The following UPRT variants were observed in gnomAD, a reference collection of about 807,000 sequenced individuals.
UPRT encodes the protein uracil phosphoribosyltransferase homolog.
In UPRT, 5 loss-of-function variants were observed where a neutral mutation model predicts 22.6. The ratio of observed to expected loss-of-function variants is 0.22; its 90% CI spans 0.12 to 0.47. The LOEUF (loss-of-function observed/expected upper bound fraction) is 0.47, where lower values mean the gene tolerates loss of function less well. Ranked by LOEUF, UPRT falls within the 20% of genes least tolerant of loss-of-function variation. The pLI is 0.99. For synonymous variants in UPRT, 77 were observed against 87.7 expected (o/e 0.88, Z 0.68); for missense variants, 181 against 239.9 (o/e 0.75, Z 1.62).
At chrX:75,286,711 G>A (rs2082682885) in intron 1 of UPRT, among the ~76,000 whole-genome samples, 2 of 111,807 alleles carry the variant, frequency 1.8e-5, no homozygotes, top group South Asian at 7.6e-4. Flanking sequence ...GAGTCACAGG[G>A]AGAGAAGTAT....
intron 4 of UPRT, among the ~76,000 whole-genome samples, chrX:75,179,298 C>T (rs1213938873): frequency 8.9e-6 from 1 of 111,900 alleles, no homozygotes; most frequent in African/African-American, 3.3e-5. Flanking sequence ...AAAGACTCTC[C>T]ACATCCTTAC....
At chrX:75,264,658 G>C (rs1213179582) in intron 4 of UPRT, among the ~76,000 whole-genome samples, 1 of 111,464 alleles carries the variant, frequency 9.0e-6, no homozygotes, top group Non-Finnish European at 1.9e-5. Flanking sequence ...TCCAGTCTGT[G>C]TCTTTTAATT....
At chrX:75,209,561 C>T (rs1044411283) in intron 4 of UPRT, among the ~76,000 whole-genome samples, 4 of 111,631 alleles carry the variant, frequency 3.6e-5, no homozygotes, top group East Asian at 2.8e-4. Context: ...TTATTAGAGA[C>T]GGGGTTTCAC....
At chrX:75,236,134 A>T (rs2082462723) in intron 4 of UPRT, among the ~76,000 whole-genome samples, 1 of 111,666 alleles carries the variant, frequency 9.0e-6, no homozygotes. Flanking sequence ...AAAAATCACA[A>T]GCATTCTTAT....
intron 4 of UPRT, among the ~76,000 whole-genome samples, chrX:75,198,654 A>G (rs776934890): frequency 6.2e-5 from 7 of 112,068 alleles, no homozygotes; most frequent in Non-Finnish European, 1.1e-4. Context: ...ATAAACTAGA[A>G]GATAAACCTG....
chrX:75,172,453 A>G (rs1295224188), intron 4 of UPRT, among the ~76,000 whole-genome samples: 1 of 111,702 alleles, frequency 9.0e-6, no homozygotes, highest in Non-Finnish European at 1.9e-5. Context: ...AACAGCACCA[A>G]GTTTGTTTCC....
intron 4 of UPRT, among the ~76,000 whole-genome samples, chrX:75,233,788 C>T (rs141887653): frequency 0.021 from 2,314 of 110,872 alleles, 38 homozygotes; most frequent in South Asian, 0.13. Context: ...GAAGGAAGCA[C>T]TAAACATGGA....
chrX:75,233,180 G>T lies in UPRT; in HGVS notation c.-446-57844G>T, dbSNP rs1212782552. On this transcript the variant is annotated intron_variant, in intron 4 of 13. Transcript: ENST00000652605. ...CCGATGCGATCAACTGGAAGAAAGG[G>T]TATCAGCAATGGAAGATGAAATGAA... Among the ~76,000 whole-genome samples, 8 of 111,261 alleles carry T rather than the reference G, an allele frequency of 7.2e-5. No individual in the cohort carries two copies. In the East Asian group the frequency reaches 2.3e-3, roughly 31 times the overall value.
chrX:75,266,518 A>C (rs2082589028), intron 4 of UPRT, among the ~76,000 whole-genome samples: 1 of 111,821 alleles, frequency 8.9e-6, no homozygotes, highest in Non-Finnish European at 1.9e-5. Context: ...ACCATTCAGG[A>C]CATAGGCATT....
At chrX:75,213,711 G>A (rs1333134329) in intron 4 of UPRT, among the ~76,000 whole-genome samples, 2 of 110,611 alleles carry the variant, frequency 1.8e-5, no homozygotes, top group African/African-American at 6.5e-5. Flanking sequence ...AGACTTCAGA[G>A]CAAAAAAAAA....
chrX:75,234,037 A>AC (rs1221635461), intron 4 of UPRT, among the ~76,000 whole-genome samples: 1 of 110,984 alleles, frequency 9.0e-6, no homozygotes, highest in Non-Finnish European at 1.9e-5. Context: ...TATTCAGGAA[A>AC]CCCATCTCAC....
intron 4 of UPRT, among the ~76,000 whole-genome samples, chrX:75,254,146 C>A (rs998093848): frequency 1.8e-5 from 2 of 111,689 alleles, no homozygotes; most frequent in African/African-American, 6.5e-5. Flanking sequence ...GCTTTGTCAC[C>A]TGGGAGGCTC....
intron 4 of UPRT, among the ~76,000 whole-genome samples, chrX:75,211,082 G>T (rs895654452): frequency 9.1e-6 from 1 of 110,482 alleles, no homozygotes; most frequent in Non-Finnish European, 1.9e-5. Flanking sequence ...GCCCTGGGCT[G>T]GGAGGTTCCA....
chrX:75,244,448 A>G (rs1471073636), intron 4 of UPRT, among the ~76,000 whole-genome samples: 3 of 112,043 alleles, frequency 2.7e-5, no homozygotes, highest in Non-Finnish European at 5.6e-5. Flanking sequence ...AAAAAGAGCC[A>G]GAGTACCCAA....
intron 4 of UPRT, among the ~76,000 whole-genome samples, chrX:75,204,874 G>C (rs1246572743): frequency 9.0e-6 from 1 of 110,998 alleles, no homozygotes; most frequent in Non-Finnish European, 1.9e-5. Flanking sequence ...TTGACGAAGG[G>C]GGTCCAGCTC....
At chrX:75,180,301 G>A (rs960607901) in intron 4 of UPRT, among the ~76,000 whole-genome samples, 3 of 112,103 alleles carry the variant, frequency 2.7e-5, no homozygotes, top group African/African-American at 9.7e-5. Context: ...AGCGCACAGG[G>A]CTTTTCCCAC....
chrX:75,275,047 A>G (rs1312121871), intron 1 of UPRT, among the ~76,000 whole-genome samples: 2 of 111,213 alleles, frequency 1.8e-5, no homozygotes, highest in African/African-American at 3.3e-5. Flanking sequence ...ACTACCACCA[A>G]TCACCTCAGG....
intron 2 of UPRT, among the ~76,000 whole-genome samples, 172 bp downstream of exon 2, chrX:75,293,686 C>A (rs767584768): frequency 7.2e-5 from 8 of 111,283 alleles, no homozygotes; most frequent in Non-Finnish European, 1.3e-4. Context: ...TAAAGATCTA[C>A]TTCAATACTT....
intron 4 of UPRT, among the ~76,000 whole-genome samples, chrX:75,236,331 C>T (rs142231225): frequency 0.019 from 2,078 of 111,728 alleles, 52 homozygotes; most frequent in African/African-American, 0.065. Context: ...ATTCCATGCT[C>T]ATGGGTAGGA....
Sources: allele counts gnomAD v4.1 joint callset (sites outside exome capture counted in the v4.1 genomes callset), GRCh38; gene constraint gnomAD v4.1.1; transcripts MANE v1.5; gene names NCBI Gene and HGNC (gene_info 2026-07-23, HGNC 2026-07-21).